The following EXOC6 variants were observed in gnomAD, a reference collection of about 807,000 sequenced individuals.
EXOC6 encodes the protein exocyst complex component 6.
EXOC6 carries 60 observed loss-of-function variants against 112.5 expected under a neutral mutation model. That is an observed-to-expected ratio of 0.53 (90% confidence interval 0.43 to 0.66). The LOEUF is 0.66. Ranked by LOEUF, EXOC6 falls within the 30% of genes least tolerant of loss-of-function variation. The probability of loss-of-function intolerance (pLI) is 0.00; values close to 1 mark genes in which losing one functional copy is unlikely to be tolerated. For missense variants in EXOC6, 855 were observed against 957.1 expected (o/e 0.89, Z 1.41); for synonymous variants, 295 against 308.0 (o/e 0.96, Z 0.44).
chr10:92,930,476 C>T (rs1851964945), intron 9 of EXOC6, among the ~76,000 whole-genome samples: 1 of 151,340 alleles, frequency 6.6e-6, no homozygotes, highest in Non-Finnish European at 1.5e-5. Flanking sequence ...GCACTCCAGC[C>T]TGGGTGACAA....
chr10:92,848,549 G>A lies in EXOC6; in HGVS notation c.16G>A (p.Glu6Lys), dbSNP rs746039871. 4 of 1,411,276 alleles carry A rather than the reference G, an allele frequency of 2.8e-6. No individual in the cohort carries two copies. Among genetic ancestry groups the A allele is most frequent in the South Asian group, 2.5e-5 (2 of 79,178 alleles). 87.4% of individuals were successfully genotyped at this position (1,411,276 alleles called of 1,614,324 possible). The change falls in exon 1 of 22, where the codon GAG (glutamate) becomes AAG (lysine). Residue 6 changes from glutamate (E) to lysine (K), a missense_variant. Transcript: ENST00000260762. MAENSESLGTVPEHER... is the reference protein window; with the variant it reads MAENSKSLGTVPEHER... Reference sequence around the variant, plus strand: ...TCCAGCCAAAATGGCGGAGAACAGCGAGAGTCTGGGCACCGTCCCCGAGCA... The same window carrying A: ...TCCAGCCAAAATGGCGGAGAACAGCAAGAGTCTGGGCACCGTCCCCGAGCA...
rs1853646055 is a variant in EXOC6 at position 92,955,539 on chromosome 10, A to G, written c.1639-41A>G. 3 of 1,547,336 alleles carry G rather than the reference A, an allele frequency of 1.9e-6. No homozygotes were observed. The South Asian group carries it at 3.5e-5, about 18-fold the overall frequency. On this transcript the variant is annotated intron_variant, in intron 16 of 21. Coordinates refer to ENST00000260762, the MANE Select transcript of EXOC6 (RefSeq NM_019053.6). ...TTAAAAATTAGGTGATTTTACATAC[A>G]TGTAACCTGTATTTTACTAGATATA...
chr10:92,946,707 T>TGTG (rs1853032560), intron 13 of EXOC6, among the ~76,000 whole-genome samples: 1 of 152,208 alleles, frequency 6.6e-6, no homozygotes, highest in Non-Finnish European at 1.5e-5. Context: ...CTGCACTACT[T>TGTG]GTGGTTTTAC....
intron 5 of EXOC6, among the ~76,000 whole-genome samples, chr10:92,908,924 T>TGA (rs1850593070): frequency 6.6e-6 from 1 of 152,180 alleles, no homozygotes; most frequent in African/African-American, 2.4e-5. Flanking sequence ...TGTGTGTGTG[T>TGA]GATACTTAAC....
chr10:92,834,655 CGG>C, upstream of EXOC6: 2 of 1,029,688 alleles, frequency 1.9e-6, no homozygotes, highest in African/African-American at 4.4e-5. Context: ...ATAAGGAAAA[CGG>C]TATTTTTTTT....
At chr10:92,874,354 C>T (rs539272446) in intron 1 of EXOC6, among the ~76,000 whole-genome samples, 9 of 152,250 alleles carry the variant, frequency 5.9e-5, no homozygotes, top group South Asian at 2.1e-4. Context: ...AGTCTAGTAA[C>T]GTAAACCATG....
chr10:93,049,069 T>C (rs1846148508), intron 20 of EXOC6, among the ~76,000 whole-genome samples: 1 of 151,952 alleles, frequency 6.6e-6, no homozygotes, highest in Non-Finnish European at 1.5e-5. Context: ...CATTTTTTTT[T>C]TTTTTTGAGG....
At chr10:92,907,912 T>C (rs956375606) in intron 5 of EXOC6, among the ~76,000 whole-genome samples, 1 of 152,176 alleles carries the variant, frequency 6.6e-6, no homozygotes, top group African/African-American at 2.4e-5. Context: ...ATAAGCATTC[T>C]GATGTTTACC....
intron 5 of EXOC6, among the ~76,000 whole-genome samples, chr10:92,903,458 C>T (rs935687240): frequency 1.3e-5 from 2 of 151,332 alleles, no homozygotes; most frequent in Admixed American, 1.3e-4. Context: ...AGATTAGACA[C>T]AATCCAGGGC....
At chr10:92,938,083 TAATA>T (rs1372770402) in intron 12 of EXOC6, among the ~76,000 whole-genome samples, 1 of 152,158 alleles carries the variant, frequency 6.6e-6, no homozygotes, top group Non-Finnish European at 1.5e-5. Context: ...TTGTAGACTG[TAATA>T]AATAGTTATT....
At chr10:92,993,691 A>G (rs945565415) in intron 18 of EXOC6, among the ~76,000 whole-genome samples, 1 of 152,220 alleles carries the variant, frequency 6.6e-6, no homozygotes, top group Non-Finnish European at 1.5e-5. Context: ...TTCACAGGAA[A>G]CAGAGTGTCT....
At chr10:92,929,212 C>T (rs1451546961) in intron 9 of EXOC6, among the ~76,000 whole-genome samples, 2 of 152,178 alleles carry the variant, frequency 1.3e-5, no homozygotes, top group East Asian at 1.9e-4. Context: ...CTTCTGTTCC[C>T]TCTGGCGAAT....
exon 1 of EXOC6, among the ~76,000 whole-genome samples, chr10:92,826,832 C>CA (rs565546180): frequency 1.2e-3 from 182 of 152,196 alleles, no homozygotes; most frequent in African/African-American, 4.2e-3. Context: ...ATATCAAAGG[C>CA]AAAAGCATTT....
chr10:93,017,300 C>T (rs919461667), intron 20 of EXOC6, among the ~76,000 whole-genome samples: 2 of 151,864 alleles, frequency 1.3e-5, no homozygotes, highest in African/African-American at 4.8e-5. Flanking sequence ...ATAAAAACTA[C>T]ATATTGGGGG....
At chr10:93,027,994 C>T (rs373826611) in intron 20 of EXOC6, among the ~76,000 whole-genome samples, 3 of 152,198 alleles carry the variant, frequency 2.0e-5, no homozygotes, top group South Asian at 4.1e-4. Flanking sequence ...ATTCTCCATT[C>T]TAAATGCCAT....
chr10:92,844,967 C>T (rs2133600267), upstream of EXOC6, among the ~76,000 whole-genome samples: 1 of 152,304 alleles, frequency 6.6e-6, no homozygotes, highest in South Asian at 2.1e-4. Context: ...TTTCCCAAGA[C>T]AGGTCATTAG....
intron 1 of EXOC6, among the ~76,000 whole-genome samples, chr10:92,878,460 C>A (rs1005465024): frequency 1.3e-5 from 2 of 152,114 alleles, no homozygotes; most frequent in East Asian, 1.9e-4. Flanking sequence ...GGTGGACTTT[C>A]CGCATGCCCA....
intron 1 of EXOC6, among the ~76,000 whole-genome samples, chr10:92,891,682 A>G (rs1010580088): frequency 6.6e-6 from 1 of 152,082 alleles, no homozygotes; most frequent in East Asian, 1.9e-4. Context: ...GTGTTTCACC[A>G]TGTTGGCCAG....
At chr10:92,873,186 A>G (rs547665684) in intron 1 of EXOC6, among the ~76,000 whole-genome samples, 40 of 152,328 alleles carry the variant, frequency 2.6e-4, no homozygotes, top group African/African-American at 9.6e-4. Context: ...CTCTTTGGTC[A>G]GGAATGTAAA....
Sources: allele counts gnomAD v4.1 joint callset (sites outside exome capture counted in the v4.1 genomes callset), GRCh38; gene constraint gnomAD v4.1.1; transcripts MANE v1.5; gene names NCBI Gene and HGNC (gene_info 2026-07-23, HGNC 2026-07-21).